Variants in SGMS1 observed in about 807,000 individuals in gnomAD.
The protein encoded by SGMS1 is sphingomyelin synthase 1, also known as phosphatidylcholine:ceramide cholinephosphotransferase 1.
In SGMS1, 13 loss-of-function variants were observed where a neutral mutation model predicts 46.2. The observed-to-expected ratio is 0.28, with a 90% confidence interval of 0.18 to 0.45. The LOEUF (loss-of-function observed/expected upper bound fraction) is 0.45. SGMS1 is among the 20% of genes least tolerant of loss of function. SGMS1 has a pLI of 1.00. For missense variants in SGMS1, 324 were observed against 519.9 expected, an observed-to-expected ratio of 0.62 and a Z score of 3.66; for synonymous variants, 203 against 187.8, an observed-to-expected ratio of 1.08 and a Z score of -0.66.
chr10:50,528,299 G>A (rs1240038733), intron 2 of SGMS1, among the ~76,000 whole-genome samples: 2 of 152,112 alleles, frequency 1.3e-5, no homozygotes, highest in East Asian at 3.8e-4. Context: ...ATTGAGGGAC[G>A]ACTCTGTCCT....
chr10:50,439,695 T>A (rs1242535566), intron 5 of SGMS1, among the ~76,000 whole-genome samples: 1 of 152,238 alleles, frequency 6.6e-6, no homozygotes, highest in African/African-American at 2.4e-5. Flanking sequence ...AACATTAATA[T>A]GAAATGTTCA....
chr10:50,355,321 C>T (rs1848123863), intron 6 of SGMS1, among the ~76,000 whole-genome samples: 1 of 152,222 alleles, frequency 6.6e-6, no homozygotes, highest in Non-Finnish European at 1.5e-5. Flanking sequence ...CCCTCTGATG[C>T]CAAGCCGAGG....
intron 1 of SGMS1, among the ~76,000 whole-genome samples, chr10:50,595,207 G>T (rs774983975): frequency 6.6e-6 from 1 of 150,654 alleles, no homozygotes; most frequent in Non-Finnish European, 1.5e-5. Flanking sequence ...ATGGAGTCCC[G>T]CTCTGTTGCC....
chr10:50,321,563 G>T (rs1564873598), intron 8 of SGMS1, among the ~76,000 whole-genome samples: 1 of 152,056 alleles, frequency 6.6e-6, no homozygotes, highest in East Asian at 1.9e-4. Context: ...AAAGAATTGA[G>T]AACAAACGAA....
intron 3 of SGMS1, among the ~76,000 whole-genome samples, chr10:50,488,040 G>A (rs79095181): frequency 0.024 from 3,541 of 148,846 alleles, 151 homozygotes; most frequent in African/African-American, 0.084. Context: ...TTGAGACTGA[G>A]TCTCACTCTA....
intron 2 of SGMS1, among the ~76,000 whole-genome samples, chr10:50,538,193 C>T (rs1412375801): frequency 2.0e-5 from 3 of 150,926 alleles, no homozygotes; most frequent in African/African-American, 7.3e-5. Context: ...TGGGTGGGCT[C>T]ACACCTGTAA....
chr10:50,606,270 G>A (rs980203316), intron 1 of SGMS1, among the ~76,000 whole-genome samples: 3 of 152,168 alleles, frequency 2.0e-5, no homozygotes, highest in Admixed American at 6.5e-5. Flanking sequence ...AGTCAAATTC[G>A]CATATACAGA....
rs544802519 is a variant in SGMS1, at chr10:50,477,331, AT to A, written c.-497-10400del. On this transcript the variant is annotated intron_variant, in intron 3 of 10. Transcript: ENST00000361781. ...GCCTATAGGCCCTCTGTTTTGGCCA[AT>A]TTCTTCCTTTTGGAATGGGGGCATA... 5.5e-3 allele frequency among the ~76,000 whole-genome samples: 844 copies of A among 152,296 alleles called. 9 individuals carry two copies. Among genetic ancestry groups the A allele is most frequent in the Non-Finnish European group, 9.1e-3 (620 of 68,010 alleles).
chr10:50,459,296 T>C (rs1837235104), intron 5 of SGMS1, among the ~76,000 whole-genome samples: 1 of 152,234 alleles, frequency 6.6e-6, no homozygotes, highest in African/African-American at 2.4e-5. Context: ...AATACTTATT[T>C]TTAATGGTTC....
chr10:50,564,178 G>A (rs1326048619), intron 2 of SGMS1, among the ~76,000 whole-genome samples: 1 of 152,198 alleles, frequency 6.6e-6, no homozygotes, highest in Non-Finnish European at 1.5e-5. Context: ...AGGTAGAAAG[G>A]ATTTGGCACA....
chr10:50,352,045 G>A (rs975552816), intron 6 of SGMS1, among the ~76,000 whole-genome samples: 2 of 152,126 alleles, frequency 1.3e-5, no homozygotes, highest in African/African-American at 2.4e-5. Flanking sequence ...GAGAGCCTTC[G>A]AAATTTCAAG....
At chr10:50,536,877 CT>C (rs1838006780) in intron 2 of SGMS1, among the ~76,000 whole-genome samples, 1 of 152,202 alleles carries the variant, frequency 6.6e-6, no homozygotes, top group African/African-American at 2.4e-5. Flanking sequence ...ATTCAATCCC[CT>C]TTTGGACATC....
intron 3 of SGMS1, among the ~76,000 whole-genome samples, chr10:50,516,091 A>C (rs945061476): frequency 6.6e-5 from 10 of 152,234 alleles, no homozygotes; most frequent in African/African-American, 2.4e-4. Flanking sequence ...CACACTTGTC[A>C]GATCTGTGTA....
chr10:50,540,830 G>A (rs1320310962), intron 2 of SGMS1, among the ~76,000 whole-genome samples: 4 of 152,046 alleles, frequency 2.6e-5, no homozygotes, highest in South Asian at 4.1e-4. Flanking sequence ...TTTTTGTTTT[G>A]GCTTTTAGGG....
Position 50,400,628 on chromosome 10 carries a change from A to T in SGMS1, c.-232+32848T>A, listed in dbSNP as rs184145129. Among the ~76,000 whole-genome samples the T allele has an allele frequency of 3.3e-3, 503 of 151,678 alleles. 4 individuals carry two copies. Among genetic ancestry groups the T allele is most frequent in the Middle Eastern group, 0.014 (4 of 292 alleles). The stretch of plus-strand genomic sequence containing the variant: ...ACCTCGCCCAGCCAATTAAAAAAAA[A>T]TTTTTTTACAGACAAGGTCTTGCTA... On this transcript the variant is annotated intron_variant, in intron 6 of 10. Transcript: ENST00000361781.
chr10:50,527,478 C>T (rs936999656), intron 2 of SGMS1, among the ~76,000 whole-genome samples: 1 of 152,150 alleles, frequency 6.6e-6, no homozygotes, highest in Admixed American at 6.5e-5. Context: ...AACTTGCTCT[C>T]GGTTGCACAG....
chr10:50,438,088 A>G (rs1047725291), intron 5 of SGMS1, among the ~76,000 whole-genome samples: 8 of 152,198 alleles, frequency 5.3e-5, no homozygotes, highest in African/African-American at 9.7e-5. Context: ...TAAGTAGGAG[A>G]ATGGACAGAG....
At chr10:50,463,951 T>C (rs1447395360) in intron 4 of SGMS1, among the ~76,000 whole-genome samples, 2 of 152,190 alleles carry the variant, frequency 1.3e-5, no homozygotes, top group Admixed American at 6.5e-5. Context: ...ATTCCACTTA[T>C]ATGAGGTATT....
upstream of SGMS1, chr10:50,625,011 G>C (rs1329086801): frequency 9.9e-7 from 1 of 1,009,392 alleles, no homozygotes; most frequent in Non-Finnish European, 1.2e-6. Context: ...TGGCGGGACC[G>C]TCCTCCCCCG....
Sources: allele counts gnomAD v4.1 joint callset (sites outside exome capture counted in the v4.1 genomes callset), GRCh38; gene constraint gnomAD v4.1.1; transcripts MANE v1.5; gene names NCBI Gene and HGNC (gene_info 2026-07-23, HGNC 2026-07-21).